Variants in CABCOCO1 observed in about 807,000 individuals in gnomAD.
CABCOCO1 encodes ciliary-associated calcium-binding coiled-coil protein 1.
CABCOCO1 carries 28 observed loss-of-function variants against 35.7 expected under a neutral mutation model. That is an observed-to-expected ratio of 0.78 (90% CI 0.58 to 1.07). The LOEUF (loss-of-function observed/expected upper bound fraction) is 1.07, where lower values mean the gene tolerates loss of function less well. Among genes scored for constraint, CABCOCO1 ranks in the 50% least tolerant of loss-of-function variants. The probability of loss-of-function intolerance (pLI) is 0.00; values close to 1 mark genes in which losing one functional copy is unlikely to be tolerated. For synonymous variants in CABCOCO1, 95 were observed against 100.1 expected (o/e 0.95, Z 0.30); for missense variants, 326 against 309.2 (o/e 1.05, Z -0.41).
intron 5 of CABCOCO1, chr10:61,701,907 C>T (rs895063408): frequency 1.0e-5 from 7 of 697,536 alleles, no homozygotes; most frequent in African/African-American, 2.0e-5. Flanking sequence ...CTGCATAACT[C>T]CCAGATGGCA....
At chr10:61,698,688 C>A (rs1028765206) in intron 5 of CABCOCO1, among the ~76,000 whole-genome samples, 1 of 152,076 alleles carries the variant, frequency 6.6e-6, no homozygotes, top group Non-Finnish European at 1.5e-5. Context: ...TATTTCAAAA[C>A]CCACACAGAT....
Position 61,729,313 on chromosome 10 carries a change from A to C in CABCOCO1, c.553-30746A>C, listed in dbSNP as rs556313503. Among the ~76,000 whole-genome samples the C allele has an allele frequency of 4.6e-4, 70 of 152,330 alleles. No homozygotes were observed. The South Asian group carries it at 0.014, about 30-fold the overall frequency. ...TTCATTGAATTATAAACCCAGTTTA[A>C]GACATTTCTACAATGAAGACAGACA... On this transcript the variant is annotated intron_variant, in intron 5 of 7. Transcript: ENST00000648843.
At chr10:61,703,519 A>T (rs145002260) in intron 5 of CABCOCO1, among the ~76,000 whole-genome samples, 1 of 152,128 alleles carries the variant, frequency 6.6e-6, no homozygotes, top group Non-Finnish European at 1.5e-5. Flanking sequence ...AATAAATATA[A>T]CATACTAATA....
chr10:61,739,897 G>A lies in CABCOCO1; in HGVS notation c.553-20162G>A, dbSNP rs894948222. ...GCGGAGGCTGCAGTGAGCAGAGATC[G>A]CACCACTGCGCTCCAGCCTGGGCGA... On this transcript the variant is annotated intron_variant, in intron 5 of 7. Transcript: ENST00000648843. Among the ~76,000 whole-genome samples, 5 of 152,072 alleles carry A rather than the reference G, an allele frequency of 3.3e-5. No individual in the cohort carries two copies. The South Asian group carries it at 8.3e-4, about 25-fold the overall frequency.
At chr10:61,756,315 T>G (rs1286439502) in intron 5 of CABCOCO1, among the ~76,000 whole-genome samples, 1 of 151,990 alleles carries the variant, frequency 6.6e-6, no homozygotes, top group Non-Finnish European at 1.5e-5. Flanking sequence ...AGATAACATC[T>G]GGGGGAAATG....
intron 7 of CABCOCO1, 107 bp downstream of exon 7, chr10:61,761,110 T>C (rs1589159252): frequency 8.5e-7 from 1 of 1,171,046 alleles, no homozygotes; most frequent in East Asian, 2.5e-5. Context: ...GAGCGATGCT[T>C]ATGACGAAGT....
chr10:61,694,354 T>G (rs967984456), intron 5 of CABCOCO1, among the ~76,000 whole-genome samples: 1 of 150,178 alleles, frequency 6.7e-6, no homozygotes, highest in Non-Finnish European at 1.5e-5. Flanking sequence ...TGTTTATTTT[T>G]CTTAAATATG....
chr10:61,753,800 T>C (rs1841842970), intron 5 of CABCOCO1, among the ~76,000 whole-genome samples: 1 of 152,138 alleles, frequency 6.6e-6, no homozygotes, highest in Non-Finnish European at 1.5e-5. Context: ...AAAGAGAAGT[T>C]GTTTGGGACC....
intron 3 of CABCOCO1, among the ~76,000 whole-genome samples, chr10:61,681,937 G>A (rs924626869): frequency 5.9e-5 from 9 of 152,238 alleles, no homozygotes; most frequent in Non-Finnish European, 7.4e-5. Context: ...AGATATTGGA[G>A]GAAGTCTTTT....
At chr10:61,698,605 C>T (rs542321342) in intron 5 of CABCOCO1, among the ~76,000 whole-genome samples, 1 of 152,094 alleles carries the variant, frequency 6.6e-6, no homozygotes, top group Non-Finnish European at 1.5e-5. Flanking sequence ...CAGTGAATGT[C>T]AACTGTATAT....
intron 5 of CABCOCO1, among the ~76,000 whole-genome samples, chr10:61,705,837 C>A (rs1342601317): frequency 1.3e-5 from 2 of 152,170 alleles, no homozygotes; most frequent in African/African-American, 4.8e-5. Context: ...GGGTGAGCAC[C>A]TCTTCAACCA....
At chr10:61,752,367 G>GAAAAAA (rs113709295) in intron 5 of CABCOCO1, among the ~76,000 whole-genome samples, 1 of 145,718 alleles carries the variant, frequency 6.9e-6, no homozygotes, top group Non-Finnish European at 1.5e-5. Context: ...TATAAAAAAG[G>GAAAAAA]AAAAAAAAAA....
At chr10:61,714,456 A>C (rs1840809504) in intron 5 of CABCOCO1, among the ~76,000 whole-genome samples, 1 of 152,090 alleles carries the variant, frequency 6.6e-6, no homozygotes, top group African/African-American at 2.4e-5. Flanking sequence ...CTTTTCAAAA[A>C]ACCAGCTCCT....
rs1357154583 is a variant in CABCOCO1, at chr10:61,727,287, TGGAATTTTCAA to T, written c.553-32771_553-32761del. Among the ~76,000 whole-genome samples the T allele has an allele frequency of 6.6e-5, 10 of 152,242 alleles. 1 individual carries two copies. The East Asian group carries it at 1.5e-3, about 23-fold the overall frequency. On this transcript the variant is annotated intron_variant, in intron 5 of 7. Coordinates refer to ENST00000648843, the MANE Select transcript of CABCOCO1 (RefSeq NM_001366906.2). ...ATCTCTATACCTACACTAATAAAAC[TGGAATTTTCAA>T]TTATCTTAAAATTTCAAATTTATCT...
chr10:61,734,707 C>G (rs1841377371), intron 5 of CABCOCO1, among the ~76,000 whole-genome samples: 1 of 152,026 alleles, frequency 6.6e-6, no homozygotes, highest in African/African-American at 2.4e-5. Flanking sequence ...CATTAGCTAA[C>G]TGGCAACGTT....
intron 2 of CABCOCO1, among the ~76,000 whole-genome samples, chr10:61,675,950 C>T (rs1034194343): frequency 2.6e-5 from 4 of 152,146 alleles, no homozygotes; most frequent in Non-Finnish European, 5.9e-5. Context: ...AAATAGTCTA[C>T]ACTTCATAAA....
chr10:61,761,187 T>A (rs1842002357), intron 7 of CABCOCO1, among the ~76,000 whole-genome samples, 184 bp downstream of exon 7: 1 of 151,808 alleles, frequency 6.6e-6, no homozygotes, highest in Non-Finnish European at 1.5e-5. Flanking sequence ...ACAAAATAGA[T>A]TTTCCAACAG....
At chr10:61,700,797 C>T (rs1229076996) in intron 5 of CABCOCO1, among the ~76,000 whole-genome samples, 1 of 151,972 alleles carries the variant, frequency 6.6e-6, no homozygotes, top group African/African-American at 2.4e-5. Context: ...ATTCTATCAT[C>T]AAGAGTATTC....
intron 5 of CABCOCO1, among the ~76,000 whole-genome samples, chr10:61,753,475 T>C (rs775857985): frequency 1.3e-5 from 2 of 152,194 alleles, no homozygotes; most frequent in African/African-American, 2.4e-5. Context: ...AATTTAGTAG[T>C]TGAAGAGCTC....
Sources: allele counts gnomAD v4.1 joint callset (sites outside exome capture counted in the v4.1 genomes callset), GRCh38; gene constraint gnomAD v4.1.1; transcripts MANE v1.5; gene names NCBI Gene and HGNC (gene_info 2026-07-23, HGNC 2026-07-21).